The following CREB3L2 variants were observed in gnomAD, a reference collection of about 807,000 sequenced individuals.
CREB3L2 encodes cAMP responsive element binding protein 3 like 2.
CREB3L2 carries 23 observed loss-of-function variants against 57.2 expected under a neutral mutation model. The observed-to-expected ratio is 0.40, with a 90% CI of 0.29 to 0.57. The LOEUF (loss-of-function observed/expected upper bound fraction) is 0.57. CREB3L2 is among the 20% of genes least tolerant of loss of function. The pLI, the probability that CREB3L2 is intolerant of heterozygous loss-of-function variation, is 0.42. For missense variants in CREB3L2, 628 were observed against 634.7 expected (o/e 0.99, Z 0.11); for synonymous variants, 268 against 265.1 (o/e 1.01, Z -0.11).
intron 6 of CREB3L2, among the ~76,000 whole-genome samples, chr7:137,904,696 G>A (rs972357265): frequency 4.0e-5 from 6 of 151,450 alleles, no homozygotes; most frequent in East Asian, 3.9e-4. Context: ...AAAATTAGCC[G>A]GGCATGGTGG....
chr7:137,974,138 A>C (rs1801564959), intron 1 of CREB3L2, among the ~76,000 whole-genome samples: 1 of 152,236 alleles, frequency 6.6e-6, no homozygotes, highest in East Asian at 1.9e-4. Context: ...TCATTCATTG[A>C]ACAAATATTC....
At chr7:137,882,148 G>A (rs1301015577) in intron 11 of CREB3L2, among the ~76,000 whole-genome samples, 1 of 152,172 alleles carries the variant, frequency 6.6e-6, no homozygotes, top group Non-Finnish European at 1.5e-5. Context: ...AGGGATTCAA[G>A]CACTTCTTTG....
chr7:137,958,031 GT>G (rs1478761017), intron 1 of CREB3L2: 3 of 243,700 alleles, frequency 1.2e-5, no homozygotes, highest in Non-Finnish European at 2.5e-5. Flanking sequence ...TCACTTTCTA[GT>G]TTTCCCCTAA....
chr7:137,976,377 C>G lies in CREB3L2; in HGVS notation c.102+25227G>C, dbSNP rs984072570. Among the ~76,000 whole-genome samples, 6 of 152,228 alleles carry G rather than the reference C, an allele frequency of 3.9e-5. 1 individual carries two copies. Among genetic ancestry groups the G allele is most frequent in the African/African-American group, 1.4e-4 (6 of 41,456 alleles). On this transcript the variant is annotated intron_variant, in intron 1 of 11. Coordinates refer to ENST00000330387, the MANE Select transcript of CREB3L2 (RefSeq NM_194071.4). ...TGCCCTAAGCACCTCAATGCAGTGG[C>G]CACTCGTTAATTTATCCTTTCGTCC...
intron 8 of CREB3L2, among the ~76,000 whole-genome samples, chr7:137,892,469 G>A (rs1799546324): frequency 6.6e-6 from 1 of 151,994 alleles, no homozygotes; most frequent in Non-Finnish European, 1.5e-5. Flanking sequence ...TGGCCAACAT[G>A]GCAAAACCCT....
intron 6 of CREB3L2, 123 bp from the exon 7 acceptor site, chr7:137,904,140 T>C (rs967328167): frequency 1.5e-5 from 12 of 799,736 alleles, no homozygotes; most frequent in African/African-American, 1.4e-4. Context: ...CTGCTTGCCA[T>C]TTGTTTAAGC....
At chr7:137,957,777 G>A in intron 1 of CREB3L2, 1 of 1,288,844 alleles carries the variant, frequency 7.8e-7, no homozygotes, top group Non-Finnish European at 1.0e-6. Context: ...TGTACAAGAA[G>A]AGTGGTAAAT....
At chr7:137,922,073 C>A (rs1327798967) in intron 2 of CREB3L2, among the ~76,000 whole-genome samples, 2 of 151,868 alleles carry the variant, frequency 1.3e-5, no homozygotes, top group African/African-American at 4.8e-5. Flanking sequence ...CCCAGCTCAA[C>A]ATACATCTTA....
intron 1 of CREB3L2, among the ~76,000 whole-genome samples, chr7:137,940,035 AT>A (rs1455385576): frequency 6.6e-6 from 1 of 152,224 alleles, no homozygotes; most frequent in African/African-American, 2.4e-5. Flanking sequence ...TGTTGTTGAT[AT>A]CCCTCCTTCT....
chr7:137,882,169 C>T (rs374515883), intron 11 of CREB3L2, among the ~76,000 whole-genome samples: 3 of 152,164 alleles, frequency 2.0e-5, no homozygotes, highest in Non-Finnish European at 4.4e-5. Context: ...TGCCACCACG[C>T]CAGCTCCCCG....
intron 1 of CREB3L2, among the ~76,000 whole-genome samples, chr7:137,995,321 TTTCTTTTCTTTC>T (rs886982347): frequency 4.0e-5 from 3 of 75,768 alleles, no homozygotes; most frequent in African/African-American, 1.6e-4. Flanking sequence ...TTTCTTTTTT[TTTCTTTTCTTTC>T]TTTTTTTTTT....
chr7:137,987,015 G>A (rs1421634606), intron 1 of CREB3L2, among the ~76,000 whole-genome samples: 1 of 152,190 alleles, frequency 6.6e-6, no homozygotes, highest in Non-Finnish European at 1.5e-5. Context: ...TTGGGCCTTG[G>A]CCTCCTCAGC....
At chr7:137,886,037 T>C (rs1013050176) in intron 8 of CREB3L2, among the ~76,000 whole-genome samples, 1 of 152,204 alleles carries the variant, frequency 6.6e-6, no homozygotes, top group Non-Finnish European at 1.5e-5. Context: ...AGCAAGAAGC[T>C]GCTTTTTGTG....
At chr7:137,893,739 G>A (rs927855179) in intron 8 of CREB3L2, among the ~76,000 whole-genome samples, 1 of 152,146 alleles carries the variant, frequency 6.6e-6, no homozygotes, top group African/African-American at 2.4e-5. Context: ...ATAGCTAAGA[G>A]GAAGATCAAA....
chr7:137,901,197 G>A (rs183465893), intron 8 of CREB3L2, among the ~76,000 whole-genome samples, 157 bp downstream of exon 8: 4 of 152,280 alleles, frequency 2.6e-5, no homozygotes, highest in Non-Finnish European at 1.5e-5. Flanking sequence ...TAGCAGGAGT[G>A]GGTGGGTGGA....
chr7:137,941,701 T>C (rs1393646351), intron 1 of CREB3L2, among the ~76,000 whole-genome samples: 1 of 152,196 alleles, frequency 6.6e-6, no homozygotes, highest in Non-Finnish European at 1.5e-5. Flanking sequence ...GTATTTTAAA[T>C]GAAGAACCTG....
At chr7:137,898,292 C>A (rs985027627) in intron 8 of CREB3L2, among the ~76,000 whole-genome samples, 8 of 152,128 alleles carry the variant, frequency 5.3e-5, no homozygotes. Flanking sequence ...GAAAAGGGAA[C>A]CCTTCCACAC....
intron 1 of CREB3L2, among the ~76,000 whole-genome samples, chr7:137,929,447 G>A (rs913713867): frequency 6.6e-6 from 1 of 152,062 alleles, no homozygotes; most frequent in Non-Finnish European, 1.5e-5. Flanking sequence ...ACTAGATGCC[G>A]GTAGCACTCC....
At chr7:137,970,613 G>C (rs776294390) in intron 1 of CREB3L2, among the ~76,000 whole-genome samples, 38 of 152,246 alleles carry the variant, frequency 2.5e-4, no homozygotes, top group Middle Eastern at 6.8e-3. Flanking sequence ...GGGTGGGCAG[G>C]ATCCAGGTGG....
Sources: allele counts gnomAD v4.1 joint callset (sites outside exome capture counted in the v4.1 genomes callset), GRCh38; gene constraint gnomAD v4.1.1; transcripts MANE v1.5; gene names NCBI Gene and HGNC (gene_info 2026-07-23, HGNC 2026-07-21).